Variants in CADPS observed in about 807,000 individuals in gnomAD.
The protein encoded by CADPS is calcium dependent secretion activator.
Under a neutral mutation model 167.3 loss-of-function variants are expected in CADPS, and 57 were observed. That is an observed-to-expected ratio of 0.34 (90% confidence interval 0.28 to 0.42). The LOEUF (loss-of-function observed/expected upper bound fraction) is 0.42, where lower values mean the gene tolerates loss of function less well. Ranked by LOEUF, CADPS falls within the 20% of genes least tolerant of loss-of-function variation. The pLI, the probability that CADPS is intolerant of heterozygous loss-of-function variation, is 1.00. For synonymous variants in CADPS, 676 were observed against 635.3 expected, an observed-to-expected ratio of 1.06 and a Z score of -0.96; for missense variants, 1,414 against 1,738.1, an observed-to-expected ratio of 0.81 and a Z score of 3.32.
rs771237719 is a variant in CADPS, at chr3:62,493,643, A to C, written c.2727+2T>G. ...TCTTTCACGAGATTTCACTTTACTT[A>C]CTTCTCCTTTATCAACATGTGGCTG... is the stretch of plus-strand genomic sequence containing the variant. On this transcript the variant is annotated splice_donor_variant, in intron 19 of 29. Coordinates refer to ENST00000383710, the MANE Select transcript of CADPS (RefSeq NM_003716.4). LOFTEE classifies it high-confidence loss of function. The C allele has an allele frequency of 3.2e-6, 5 of 1,555,136 alleles. No homozygotes were observed. Among genetic ancestry groups the C allele is most frequent in the Non-Finnish European group, 3.5e-6 (4 of 1,148,004 alleles).
intron 1 of CADPS, among the ~76,000 whole-genome samples, chr3:62,839,818 G>C (rs1236244042): frequency 6.6e-6 from 1 of 152,158 alleles, no homozygotes; most frequent in Admixed American, 6.5e-5. Context: ...GCATCAAACA[G>C]TTAAGAGATA....
At chr3:62,677,849 T>C (rs1354229643) in intron 3 of CADPS, among the ~76,000 whole-genome samples, 1 of 152,110 alleles carries the variant, frequency 6.6e-6, no homozygotes, top group Non-Finnish European at 1.5e-5. Context: ...ACAGTTCATA[T>C]GTGGTGAAAA....
chr3:62,852,050 C>T (rs908652818), intron 1 of CADPS, among the ~76,000 whole-genome samples: 22 of 147,782 alleles, frequency 1.5e-4, no homozygotes, highest in African/African-American at 5.5e-4. Context: ...GATACCCTTT[C>T]TTCCAGTTGA....
chr3:62,821,308 G>A (rs933517802), intron 1 of CADPS, among the ~76,000 whole-genome samples: 1 of 149,414 alleles, frequency 6.7e-6, no homozygotes, highest in African/African-American at 2.5e-5. Context: ...TAGAGTCTCT[G>A]TGTTGGTTTT....
In CADPS at chr3:62,421,848, G is replaced by C. The variant is rs573683877; in HGVS notation, c.3777+16256C>G. Among the ~76,000 whole-genome samples, 1 of 152,306 alleles carries C rather than the reference G, an allele frequency of 6.6e-6. No homozygotes were observed. The highest frequency in any genetic ancestry group is 1.5e-5 in the Non-Finnish European group (1 of 68,032). On this transcript the variant is annotated intron_variant, in intron 28 of 29. Transcript: ENST00000383710. The surrounding 1 kb of genome is among the most constrained non-coding windows in gnomAD (Gnocchi z 4.7). ...TTTGTGCTGGACTGTTAGGCTGCAT[G>C]TCTCAAGTTATAAAAAGAAAAGCCG... is the stretch of plus-strand genomic sequence containing the variant.
intron 1 of CADPS, among the ~76,000 whole-genome samples, chr3:62,774,071 T>C (rs2089649866): frequency 6.6e-6 from 1 of 151,926 alleles, no homozygotes; most frequent in Non-Finnish European, 1.5e-5. Flanking sequence ...CAACCAACAA[T>C]TATCTAGCAG....
chr3:62,762,184 T>C (rs1265907385), intron 2 of CADPS, among the ~76,000 whole-genome samples: 1 of 152,196 alleles, frequency 6.6e-6, no homozygotes, highest in Non-Finnish European at 1.5e-5. Flanking sequence ...AATTCAGCAG[T>C]TGGCCCTCTG....
chr3:62,550,860 G>A lies in CADPS; in HGVS notation c.1754-745C>T, dbSNP rs745984585. The A allele has an allele frequency of 9.0e-5, 41 of 456,678 alleles. No homozygotes were observed. The Middle Eastern group carries it at 2.3e-3, about 25-fold the overall frequency. 28.3% of individuals were successfully genotyped at this position (456,678 alleles called of 1,614,324 possible). ...GCCCACCCACCTATCAGCAGCATTT[G>A]CACTCCCTTCTCTTCAAGATGCTTT... On this transcript the variant is annotated intron_variant, in intron 10 of 29. Coordinates refer to ENST00000383710, the MANE Select transcript of CADPS (RefSeq NM_003716.4).
At chr3:62,722,538 G>T (rs1184090011) in intron 3 of CADPS, among the ~76,000 whole-genome samples, 1 of 152,244 alleles carries the variant, frequency 6.6e-6, no homozygotes, top group African/African-American at 2.4e-5. Flanking sequence ...GCTGGAGCCA[G>T]AAAGTGAGTT....
At chr3:62,853,621 A>AC (rs1177027785) in intron 1 of CADPS, among the ~76,000 whole-genome samples, 1 of 100,270 alleles carries the variant, frequency 1.0e-5, no homozygotes, top group East Asian at 3.0e-4. Flanking sequence ...GCAAAACTCC[A>AC]CTAAAAAAAA....
At chr3:62,475,417 C>A (rs1011954780) in intron 23 of CADPS, among the ~76,000 whole-genome samples, 3 of 151,956 alleles carry the variant, frequency 2.0e-5, no homozygotes, top group Non-Finnish European at 4.4e-5. Context: ...GATCATACAG[C>A]CACCAGGAAA....
At chr3:62,444,976 T>A (rs1385254626) in intron 27 of CADPS, among the ~76,000 whole-genome samples, 1 of 152,222 alleles carries the variant, frequency 6.6e-6, no homozygotes, top group Admixed American at 6.5e-5. Flanking sequence ...TTGTTAGAAA[T>A]GGAGAAACAA....
At chr3:62,578,239 A>G (rs2082688449) in intron 8 of CADPS, among the ~76,000 whole-genome samples, 1 of 151,490 alleles carries the variant, frequency 6.6e-6, no homozygotes, top group South Asian at 2.1e-4. Context: ...TCACTGTCAC[A>G]CAAAGTAAAT....
At chr3:62,418,487 A>ATTTTTTTTTTTTTTT (rs5849477) in intron 28 of CADPS, among the ~76,000 whole-genome samples, 6 of 88,870 alleles carry the variant, frequency 6.8e-5, no homozygotes, top group Admixed American at 1.3e-4. Context: ...ACCATGCCCT[A>ATTTTTTTTTTTTTTT]TTTTTTTTTT....
At chr3:62,705,305 G>A (rs1388532638) in intron 3 of CADPS, among the ~76,000 whole-genome samples, 1 of 152,106 alleles carries the variant, frequency 6.6e-6, no homozygotes, top group Non-Finnish European at 1.5e-5. Flanking sequence ...AAGACAAACT[G>A]AGGAATCCTC....
chr3:62,544,757 A>G lies in CADPS; in HGVS notation c.1966+5146T>C. 3.7e-6 allele frequency: 2 copies of G among 537,886 alleles called. No individual in the cohort carries two copies. Among genetic ancestry groups the G allele is most frequent in the Non-Finnish European group, 5.1e-6 (2 of 394,210 alleles). The allele number at this position is 537,886 out of a possible 1,614,324, so 33.3% of individuals were successfully genotyped here. ...AGTTGTACTACAAATTCTAGACATG[A>G]GGAAGATTTAAGGGGGAGGGAAGCA... On this transcript the variant is annotated intron_variant, in intron 11 of 29. Transcript: ENST00000383710. This position sits in a 1 kb window ranked among gnomAD's most constrained non-coding sequence, Gnocchi z 4.4.
At chr3:62,526,734 A>C (rs78996662) in intron 13 of CADPS, among the ~76,000 whole-genome samples, 2,764 of 152,284 alleles carry the variant, frequency 0.018, 43 homozygotes, top group African/African-American at 0.045. Context: ...CTCTCTTTTC[A>C]GAAAATGGGT....
At chr3:62,865,487 C>T (rs578252629) in intron 1 of CADPS, among the ~76,000 whole-genome samples, 2 of 151,836 alleles carry the variant, frequency 1.3e-5, no homozygotes, top group East Asian at 3.9e-4. Flanking sequence ...TAATATTTTC[C>T]TCCCATGGGC....
rs915977516 is a variant in CADPS, at chr3:62,433,413, C to T, written c.3777+4691G>A. 3.3e-5 allele frequency among the ~76,000 whole-genome samples: 5 copies of T among 152,112 alleles called. No homozygotes were observed. Among genetic ancestry groups the T allele is most frequent in the South Asian group, 2.1e-4 (1 of 4,826 alleles). ...ACCACACTGCTTGATTAAGTTCTTA[C>T]GAGGTGGTTTGGTAAGAGGCCCTTT... On this transcript the variant is annotated intron_variant, in intron 28 of 29. Coordinates refer to ENST00000383710, the MANE Select transcript of CADPS (RefSeq NM_003716.4). This position sits in a 1 kb window ranked among gnomAD's most constrained non-coding sequence, Gnocchi z 4.7.
Sources: gnomAD v4.1 joint callset for allele counts (sites outside exome capture counted in the v4.1 genomes callset) on GRCh38, gnomAD v4.1.1 for gene constraint, Gnocchi (gnomAD v3.1) non-coding constraint, MANE v1.5 for transcripts, NCBI Gene and HGNC (gene_info 2026-07-23, HGNC 2026-07-21) for gene names.